RNF144B: variants seen among roughly 807,000 people sequenced by gnomAD.
The protein encoded by RNF144B is ring finger protein 144B.
A neutral mutation model predicts 40.2 loss-of-function variants in RNF144B; 25 were observed. The ratio of observed to expected loss-of-function variants is 0.62; its 90% CI spans 0.45 to 0.87. RNF144B has a LOEUF of 0.87. Ranked by LOEUF, RNF144B falls within the 40% of genes least tolerant of loss-of-function variation. The pLI, the probability that RNF144B is intolerant of heterozygous loss-of-function variation, is 0.00. For synonymous variants in RNF144B, 145 were observed against 136.3 expected, an observed-to-expected ratio of 1.06 and a Z score of -0.44; for missense variants, 365 against 373.7, an observed-to-expected ratio of 0.98 and a Z score of 0.19.
Position 18,441,609 on chromosome 6 carries a change from G to T in RNF144B, c.331+1865G>T, listed in dbSNP as rs1303222543. Among the ~76,000 whole-genome samples the T allele has an allele frequency of 6.6e-6, 1 of 152,118 alleles. No homozygotes were observed. Among genetic ancestry groups the T allele is most frequent in the Non-Finnish European group, 1.5e-5 (1 of 68,034 alleles). On this transcript the variant is annotated intron_variant, in intron 4 of 7. Transcript: ENST00000259939. The surrounding 1 kb of genome is among the most constrained non-coding windows in gnomAD (Gnocchi z 4.9). ...AATTAGAATATTCTAATATTACCAG[G>T]AATTACAACTTTCTGTGGGTTGTTT... is the stretch of plus-strand genomic sequence containing the variant.
intron 2 of RNF144B, among the ~76,000 whole-genome samples, chr6:18,417,326 T>A (rs1795163103): frequency 6.6e-6 from 1 of 152,086 alleles, no homozygotes; most frequent in African/African-American, 2.4e-5. Context: ...TCAAAACTGA[T>A]TACAGAGCGA....
Position 18,466,953 on chromosome 6 carries a change from A to T in RNF144B, c.*1886A>T, listed in dbSNP as rs1759582625. The T allele has an allele frequency of 6.6e-6, 1 of 152,636 alleles. No individual in the cohort carries two copies. Among genetic ancestry groups the T allele is most frequent in the Non-Finnish European group, 1.5e-5 (1 of 68,034 alleles). 9.5% of individuals were successfully genotyped at this position (152,636 alleles called of 1,614,324 possible). A position where few individuals can be genotyped will look rare whatever the true frequency, so the allele number is the denominator to read the frequency against. On this transcript the variant is annotated 3_prime_UTR_variant, in exon 8 of 8. Coordinates refer to ENST00000259939, the MANE Select transcript of RNF144B (RefSeq NM_182757.4). Reference sequence around the variant, plus strand: ...AAAATCATTTTTAATCATTTATTAGAAATTTCTCAATATTGTGTCTTTTTC... The same window carrying T: ...AAAATCATTTTTAATCATTTATTAGTAATTTCTCAATATTGTGTCTTTTTC...
intron 3 of RNF144B, among the ~76,000 whole-genome samples, chr6:18,433,591 G>C (rs1758744866): frequency 6.6e-6 from 1 of 152,178 alleles, no homozygotes; most frequent in African/African-American, 2.4e-5. Flanking sequence ...TATATGGAAA[G>C]ATGATCTTGG....
intron 3 of RNF144B, among the ~76,000 whole-genome samples, chr6:18,432,583 C>T (rs1655641614): frequency 6.6e-6 from 1 of 152,164 alleles, no homozygotes; most frequent in Non-Finnish European, 1.5e-5. Flanking sequence ...GTTAGTAGCC[C>T]TGTTAAAAAA....
At position 18,457,487 on chromosome 6, in the gene RNF144B, T is replaced by G. The variant is rs1181594388; in HGVS notation, c.536+128T>G. On this transcript the variant is annotated intron_variant, in intron 5 of 7. Coordinates refer to ENST00000259939, the MANE Select transcript of RNF144B (RefSeq NM_182757.4). This position sits in a 1 kb window ranked among gnomAD's most constrained non-coding sequence, Gnocchi z 5.1. ...TGGTTATTTTCCTGCAGAACTTCCC[T>G]GAGAAGTGTCTCAGAATTGGTAAGT... The G allele has an allele frequency of 9.5e-6, 7 of 734,308 alleles. No individual in the cohort carries two copies. The highest frequency in any genetic ancestry group is 5.2e-5 in the African/African-American group (3 of 57,466). 45.5% of individuals were successfully genotyped at this position (734,308 alleles called of 1,614,324 possible). A position where few individuals can be genotyped will look rare whatever the true frequency, so the allele number is the denominator to read the frequency against.
chr6:18,407,663 C>T (rs141283520), intron 2 of RNF144B, among the ~76,000 whole-genome samples: 7 of 152,352 alleles, frequency 4.6e-5, no homozygotes, highest in Non-Finnish European at 1.0e-4. Context: ...GTTACTTCCA[C>T]TCTCTAAAAT....
At position 18,402,094 on chromosome 6, in the gene RNF144B, A is replaced by G. The variant is rs1452357919; in HGVS notation, c.165+2395A>G. The G allele has an allele frequency of 2.3e-5, 2 of 87,510 alleles. 1 individual carries two copies. Among genetic ancestry groups the G allele is most frequent in the Non-Finnish European group, 5.4e-5 (2 of 37,236 alleles). 5.4% of individuals were successfully genotyped at this position (87,510 alleles called of 1,614,324 possible). A position where few individuals can be genotyped will look rare whatever the true frequency, so the allele number is the denominator to read the frequency against. The stretch of plus-strand genomic sequence containing the variant: ...TCTTGGATTTAATAAAGCTTTAACA[A>G]TATTCTGTCATTGTCCTGTCTTCTG... On this transcript the variant is annotated intron_variant, in intron 2 of 7. Transcript: ENST00000259939.
rs1758539535 is a variant in RNF144B, at chr6:18,425,950, GT to G, written c.166-1628del. 6.6e-6 allele frequency among the ~76,000 whole-genome samples: 1 copy of G among 152,106 alleles called. No individual in the cohort carries two copies. Among genetic ancestry groups the G allele is most frequent in the Admixed American group, 6.6e-5 (1 of 15,264 alleles). On this transcript the variant is annotated intron_variant, in intron 2 of 7. Transcript: ENST00000259939. This position sits in a 1 kb window ranked among gnomAD's most constrained non-coding sequence, Gnocchi z 4.2. ...AAGAGATACAAGTCTGGTTTAAATG[GT>G]TTGCCCTAGTCATTGATTCATCAGT...
At position 18,465,451 on chromosome 6, in the gene RNF144B, C is replaced by A; in HGVS notation, c.*384C>A. On this transcript the variant is annotated 3_prime_UTR_variant, in exon 8 of 8. Coordinates refer to ENST00000259939, the MANE Select transcript of RNF144B (RefSeq NM_182757.4). ...GGCAACATACAAGATAACCAAGAAG[C>A]TGGAGTCTGTTCTGTGTTGATTTGA... The A allele has an allele frequency of 5.5e-6, 1 of 183,374 alleles. No individual in the cohort carries two copies. The highest frequency in any genetic ancestry group is 1.1e-5 in the Non-Finnish European group (1 of 87,720). The allele number at this position is 183,374 out of a possible 1,614,324, so 11.4% of individuals were successfully genotyped here.
rs890212642 is a variant in RNF144B at position 18,434,644 on chromosome 6, CAG to C, written c.271-5037_271-5036del. Reference sequence around the variant, plus strand: ...TGTTTTGTTTGTTTGTTTTTTTAGACAGAGTCTTGCTCTGTCGCCCAGGCTGG... The same window carrying C: ...TGTTTTGTTTGTTTGTTTTTTTAGACAGTCTTGCTCTGTCGCCCAGGCTGG... On this transcript the variant is annotated intron_variant, in intron 3 of 7. Transcript: ENST00000259939. This position sits in a 1 kb window ranked among gnomAD's most constrained non-coding sequence, Gnocchi z 4.1. 2.7e-5 allele frequency among the ~76,000 whole-genome samples: 4 copies of C among 146,946 alleles called. No individual in the cohort carries two copies. Among genetic ancestry groups the C allele is most frequent in the African/African-American group, 4.9e-5 (2 of 40,842 alleles).
In RNF144B at chr6:18,456,670, C is replaced by T. The variant is rs1407989294; in HGVS notation, c.332-485C>T. Among the ~76,000 whole-genome samples, 1 of 152,130 alleles carries T rather than the reference C, an allele frequency of 6.6e-6. No individual in the cohort carries two copies. Among genetic ancestry groups the T allele is most frequent in the East Asian group, 1.9e-4 (1 of 5,194 alleles). On this transcript the variant is annotated intron_variant, in intron 4 of 7. Transcript: ENST00000259939. The surrounding 1 kb of genome is among the most constrained non-coding windows in gnomAD (Gnocchi z 4.7). Reference sequence around the variant, plus strand: ...CTTTGAGAAATGTGGCAGGGCTTAGCGACCTTGTAAATGATAGGTTTGGAT... The same window carrying T: ...CTTTGAGAAATGTGGCAGGGCTTAGTGACCTTGTAAATGATAGGTTTGGAT...
Position 18,399,550 on chromosome 6 carries a change from A to G in RNF144B, c.16A>G (p.Arg6Gly). The G allele has an allele frequency of 6.2e-7, 1 of 1,614,116 alleles. No homozygotes were observed. Among genetic ancestry groups the G allele is most frequent in the Non-Finnish European group, 8.5e-7 (1 of 1,179,990 alleles). Residue 6 changes from arginine to glycine, a missense_variant, in exon 2 of 8, where the codon AGG becomes GGG. Transcript: ENST00000259939. The part of the protein sequence containing the change: MGSAG[R>G]LHYLAMTAEN... ...AGACAGGCTGATGGGCTCAGCTGGTAGGCTCCACTATCTCGCCATGACTGC... is the reference window on the plus strand; with the variant it reads ...AGACAGGCTGATGGGCTCAGCTGGTGGGCTCCACTATCTCGCCATGACTGC...
At chr6:18,408,938 GTTT>G (rs3078245) in intron 2 of RNF144B, among the ~76,000 whole-genome samples, 8 of 144,024 alleles carry the variant, frequency 5.6e-5, no homozygotes, top group South Asian at 2.2e-4. Flanking sequence ...CCAGAAAAGT[GTTT>G]TTTTTTTTTT....
intron 1 of RNF144B, among the ~76,000 whole-genome samples, chr6:18,393,545 A>G (rs942476322): frequency 1.3e-5 from 2 of 152,224 alleles, no homozygotes; most frequent in Non-Finnish European, 2.9e-5. Flanking sequence ...AAAAGGAACC[A>G]GTAGCTAACC....
chr6:18,388,691 G>T (rs1794517949), intron 1 of RNF144B, among the ~76,000 whole-genome samples: 1 of 152,120 alleles, frequency 6.6e-6, no homozygotes, highest in African/African-American at 2.4e-5. Flanking sequence ...ACTATCCTGA[G>T]GGGGAGAAAA....
At chr6:18,438,490 C>T (rs1350683823) in intron 3 of RNF144B, among the ~76,000 whole-genome samples, 1 of 152,116 alleles carries the variant, frequency 6.6e-6, no homozygotes, top group Non-Finnish European at 1.5e-5. Context: ...TGTTTTACCA[C>T]ACTTTACTTG....
At chr6:18,432,968 G>A (rs1758725566) in intron 3 of RNF144B, among the ~76,000 whole-genome samples, 1 of 152,200 alleles carries the variant, frequency 6.6e-6, no homozygotes, top group South Asian at 2.1e-4. Flanking sequence ...ACCTGGGGTG[G>A]AGGTATGGTG....
At chr6:18,462,333 C>G (rs1040818574) in intron 6 of RNF144B, among the ~76,000 whole-genome samples, 2 of 152,166 alleles carry the variant, frequency 1.3e-5, no homozygotes, top group Non-Finnish European at 2.9e-5. Context: ...TTTAGCATAC[C>G]TAGATTCTCT....
intron 2 of RNF144B, among the ~76,000 whole-genome samples, chr6:18,408,604 A>T (rs1338857300): frequency 1.3e-5 from 2 of 152,146 alleles, no homozygotes; most frequent in South Asian, 4.1e-4. Context: ...TTATGGAACA[A>T]TGACTGATTG....
Sources: gnomAD v4.1 joint callset for allele counts (sites outside exome capture counted in the v4.1 genomes callset) on GRCh38, gnomAD v4.1.1 for gene constraint, Gnocchi (gnomAD v3.1) non-coding constraint, MANE v1.5 for transcripts, NCBI Gene and HGNC (gene_info 2026-07-23, HGNC 2026-07-21) for gene names.